SRGAP3: variants seen among roughly 807,000 people sequenced by gnomAD.
SRGAP3 encodes SLIT-ROBO Rho GTPase-activating protein 3.
A neutral mutation model predicts 121.1 loss-of-function variants in SRGAP3; 39 were observed. The ratio of observed to expected loss-of-function variants is 0.32; its 90% CI spans 0.25 to 0.42. The LOEUF (loss-of-function observed/expected upper bound fraction) is 0.42, where lower values mean the gene tolerates loss of function less well. Among genes scored for constraint, SRGAP3 ranks in the 10% least tolerant of loss-of-function variants. The pLI is 1.00. For synonymous variants in SRGAP3, 601 were observed against 570.0 expected (o/e 1.05, Z -0.77); for missense variants, 1,213 against 1,470.6 (o/e 0.82, Z 2.86).
intron 18 of SRGAP3, among the ~76,000 whole-genome samples, chr3:8,998,535 GGT>G (rs1222616752): frequency 3.3e-5 from 2 of 59,812 alleles, no homozygotes; most frequent in Non-Finnish European, 3.2e-5. Flanking sequence ...TTGTGGTATG[GGT>G]GTGTGTGTAT....
At chr3:9,261,563 T>C (rs549513313) in intron 3 of SRGAP3, among the ~76,000 whole-genome samples, 27 of 151,666 alleles carry the variant, frequency 1.8e-4, no homozygotes, top group African/African-American at 6.0e-4. Flanking sequence ...TACACAAGTA[T>C]CAATAGCCAA....
At chr3:9,155,346 A>T (rs1342236607) in intron 1 of SRGAP3, among the ~76,000 whole-genome samples, 1 of 152,104 alleles carries the variant, frequency 6.6e-6, no homozygotes, top group Non-Finnish European at 1.5e-5. Flanking sequence ...GGAGGTTTGC[A>T]TTTTGAAGTT....
At chr3:9,292,891 C>T (rs1954892277) in intron 3 of SRGAP3, 3 of 152,106 alleles carry the variant, frequency 2.0e-5, no homozygotes, top group African/African-American at 7.2e-5. Context: ...GGTCATTAAT[C>T]TCTGATTGTC....
intron 12 of SRGAP3, chr3:9,028,039 T>G: frequency 1.2e-6 from 2 of 1,602,376 alleles, no homozygotes; most frequent in Non-Finnish European, 1.7e-6. Flanking sequence ...GTTCTGGAAG[T>G]CAGCACTAAA....
At position 9,013,490 on chromosome 3, in the gene SRGAP3, C is replaced by T. The variant is rs755849611; in HGVS notation, c.1965G>A (p.Leu655=). The change falls in exon 17 of 22, where the codon CTG becomes CTA. Residue 655 remains leucine (L), a synonymous_variant. Coordinates refer to ENST00000383836, the MANE Select transcript of SRGAP3 (RefSeq NM_014850.4). ...SDENMMDPYN[L]AICFGPTLMH... Reference sequence around the variant, plus strand: ...TGAGGGTAGGCCCGAAGCAGATGGCCAGGTTGTAGGGATCCATCATGTTCT... The same window carrying T: ...TGAGGGTAGGCCCGAAGCAGATGGCTAGGTTGTAGGGATCCATCATGTTCT... 2.5e-6 allele frequency: 4 copies of T among 1,614,066 alleles called. No individual in the cohort carries two copies. In the East Asian group the frequency reaches 8.9e-5, roughly 36 times the overall value.
intron 3 of SRGAP3, among the ~76,000 whole-genome samples, chr3:9,096,471 A>C (rs891210095): frequency 5.3e-5 from 8 of 152,296 alleles, no homozygotes; most frequent in Admixed American, 3.3e-4. Flanking sequence ...CATCTTGCTG[A>C]ACTCTCTTCA....
rs1027884703 is a variant in SRGAP3 at position 9,009,115 on chromosome 3, TCTTAAG to T, written c.2227+1187_2227+1192del. On this transcript the variant is annotated intron_variant, in intron 18 of 21. Coordinates refer to ENST00000383836, the MANE Select transcript of SRGAP3 (RefSeq NM_014850.4). Reference sequence around the variant, plus strand: ...TTTTCAGGTATAGGAACTTACTCTCTCTTAAGCTTAAGTTGATTTGAGTTGGGGGTT... The same window carrying T: ...TTTTCAGGTATAGGAACTTACTCTCTCTTAAGTTGATTTGAGTTGGGGGTT... 1.2e-4 allele frequency among the ~76,000 whole-genome samples: 18 copies of T among 152,306 alleles called. No individual in the cohort carries two copies. The East Asian group carries it at 1.9e-3, about 16-fold the overall frequency.
chr3:9,266,769 C>T (rs529539150), intron 3 of SRGAP3, among the ~76,000 whole-genome samples: 17 of 152,212 alleles, frequency 1.1e-4, no homozygotes, highest in African/African-American at 3.9e-4. Flanking sequence ...GGAGGCAATA[C>T]CCCCTGTGAG....
intron 13 of SRGAP3, among the ~76,000 whole-genome samples, chr3:9,025,784 TAACAGCAGCCTGTAC>T (rs1944167950): frequency 6.6e-6 from 1 of 152,162 alleles, no homozygotes; most frequent in African/African-American, 2.4e-5. Context: ...AGTAATGACA[TAACAGCAGCCTGTAC>T]AACTGAAGGA....
chr3:9,024,761 T>C (rs753283541), intron 14 of SRGAP3, among the ~76,000 whole-genome samples: 4 of 152,182 alleles, frequency 2.6e-5, no homozygotes, highest in Non-Finnish European at 5.9e-5. Flanking sequence ...AATTAAAAAT[T>C]AGGATATCCT....
chr3:9,043,397 G>C (rs747829610), intron 10 of SRGAP3, among the ~76,000 whole-genome samples: 1 of 152,144 alleles, frequency 6.6e-6, no homozygotes, highest in Non-Finnish European at 1.5e-5. Context: ...TACCTTTCTC[G>C]TGTACCACTA....
At chr3:9,142,057 C>T (rs1949873374) in intron 1 of SRGAP3, among the ~76,000 whole-genome samples, 1 of 152,202 alleles carries the variant, frequency 6.6e-6, no homozygotes, top group Admixed American at 6.5e-5. Flanking sequence ...TACTCAAATT[C>T]CAACTTGAAA....
At chr3:9,062,754 T>G (rs1402625006) in intron 5 of SRGAP3, among the ~76,000 whole-genome samples, 1 of 152,250 alleles carries the variant, frequency 6.6e-6, no homozygotes, top group Admixed American at 6.5e-5. Flanking sequence ...ATATACCACA[T>G]TTTATTCAAC....
At chr3:9,285,350 G>C (rs1002283553) in intron 3 of SRGAP3, among the ~76,000 whole-genome samples, 1 of 152,060 alleles carries the variant, frequency 6.6e-6, no homozygotes, top group Non-Finnish European at 1.5e-5. Context: ...TGACACCTTG[G>C]CATTTGAGAA....
intron 2 of SRGAP3, among the ~76,000 whole-genome samples, chr3:9,113,369 A>T (rs73017431): frequency 0.068 from 10,334 of 152,184 alleles, 408 homozygotes; most frequent in African/African-American, 0.083. Context: ...ACAGCACCCC[A>T]ATCTTTGCCT....
chr3:9,339,498 C>G (rs1348307583), intron 1 of SRGAP3, among the ~76,000 whole-genome samples: 1 of 152,142 alleles, frequency 6.6e-6, no homozygotes. Flanking sequence ...CCTATGGTGG[C>G]CAACATAAAC....
intron 1 of SRGAP3, among the ~76,000 whole-genome samples, chr3:9,344,459 C>A (rs9869518): frequency 0.02 from 3,090 of 151,592 alleles, 93 homozygotes; most frequent in Admixed American, 0.092. Context: ...TCAAAAAAAA[C>A]CAAAAATAAA....
At chr3:9,320,102 C>A (rs1955415435) in intron 3 of SRGAP3, among the ~76,000 whole-genome samples, 1 of 151,844 alleles carries the variant, frequency 6.6e-6, no homozygotes. Flanking sequence ...CTAATCAGTG[C>A]CAATCTTGGT....
At chr3:9,276,894 A>T (rs1954592654) in intron 3 of SRGAP3, among the ~76,000 whole-genome samples, 1 of 152,236 alleles carries the variant, frequency 6.6e-6, no homozygotes, top group African/African-American at 2.4e-5. Flanking sequence ...GTCTCCCATT[A>T]TCTGAGCACT....
Sources: gnomAD v4.1 joint callset for allele counts (sites outside exome capture counted in the v4.1 genomes callset) on GRCh38, gnomAD v4.1.1 for gene constraint, MANE v1.5 for transcripts, NCBI Gene and HGNC (gene_info 2026-07-23, HGNC 2026-07-21) for gene names.